Variants in WDFY2 observed in about 807,000 individuals in gnomAD.
WDFY2 encodes WD repeat and FYVE domain-containing protein 2.
WDFY2 carries 36 observed loss-of-function variants against 56.4 expected under a neutral mutation model. The ratio of observed to expected loss-of-function variants is 0.64; its 90% confidence interval spans 0.49 to 0.84. The LOEUF (loss-of-function observed/expected upper bound fraction) is 0.84, where lower values mean the gene tolerates loss of function less well. Ranked by LOEUF, WDFY2 falls within the 40% of genes least tolerant of loss-of-function variation. The pLI is 0.00. For missense variants in WDFY2, 444 were observed against 512.2 expected (o/e 0.87, Z 1.29); for synonymous variants, 176 against 183.7 (o/e 0.96, Z 0.34).
intron 4 of WDFY2, among the ~76,000 whole-genome samples, chr13:51,717,973 G>C (rs980255677): frequency 6.6e-6 from 1 of 152,172 alleles, no homozygotes; most frequent in African/African-American, 2.4e-5. Context: ...GTTGTAAAAT[G>C]ATGAAATCAT....
At chr13:51,744,946 A>G (rs1252843882) in intron 7 of WDFY2, among the ~76,000 whole-genome samples, 1 of 152,198 alleles carries the variant, frequency 6.6e-6, no homozygotes, top group African/African-American at 2.4e-5. Flanking sequence ...TTTATTATCA[A>G]ACTTGGAATC....
At position 51,761,247 on chromosome 13, in the gene WDFY2, A is replaced by G. The variant is rs1953573041; in HGVS notation, c.*1478A>G. On this transcript the variant is annotated 3_prime_UTR_variant, in exon 12 of 12. Transcript: ENST00000298125. ...GGACTTTAGAAAGTGAACCTGAAGA[A>G]CTCTTATTTCTAAGGGAATCCAGTC... The G allele has an allele frequency of 6.6e-6, 1 of 152,124 alleles. No individual in the cohort carries two copies. Among genetic ancestry groups the G allele is most frequent in the Admixed American group, 6.6e-5 (1 of 15,266 alleles). 9.4% of individuals were successfully genotyped at this position (152,124 alleles called of 1,614,324 possible).
At chr13:51,741,368 C>T (rs79626865) in intron 7 of WDFY2, among the ~76,000 whole-genome samples, 2,044 of 152,280 alleles carry the variant, frequency 0.013, 56 homozygotes, top group African/African-American at 0.047. Flanking sequence ...GGTTTTAACC[C>T]CGGGGAGGGG....
intron 1 of WDFY2, among the ~76,000 whole-genome samples, chr13:51,651,252 G>T (rs1004732135): frequency 1.3e-5 from 2 of 152,132 alleles, no homozygotes; most frequent in African/African-American, 2.4e-5. Context: ...TGTGGGATCG[G>T]TGGTGATATC....
At chr13:51,674,634 C>A (rs1955857356) in intron 2 of WDFY2, among the ~76,000 whole-genome samples, 1 of 152,088 alleles carries the variant, frequency 6.6e-6, no homozygotes, top group Non-Finnish European at 1.5e-5. Flanking sequence ...AGCACACCCC[C>A]AAAGGCCAAA....
At chr13:51,751,270 G>C (rs765409045) in intron 7 of WDFY2, 40 bp from the exon 8 acceptor site, 2 of 1,595,748 alleles carry the variant, frequency 1.3e-6, no homozygotes, top group African/African-American at 1.4e-5. Context: ...CCTTGCATTT[G>C]TTCTCCTAAA....
intron 1 of WDFY2, among the ~76,000 whole-genome samples, chr13:51,623,431 A>G (rs748417365): frequency 3.9e-5 from 6 of 152,102 alleles, no homozygotes; most frequent in Non-Finnish European, 8.8e-5. Flanking sequence ...TAAAATGGGC[A>G]TGAGTTTAGC....
intron 1 of WDFY2, among the ~76,000 whole-genome samples, chr13:51,623,157 C>A (rs1187456037): frequency 1.3e-5 from 2 of 151,884 alleles, no homozygotes; most frequent in African/African-American, 4.8e-5. Context: ...CGTGCATGGC[C>A]TTAACTGTAC....
At chr13:51,597,196 C>G (rs1593855274) in intron 1 of WDFY2, among the ~76,000 whole-genome samples, 1 of 152,258 alleles carries the variant, frequency 6.6e-6, no homozygotes, top group East Asian at 1.9e-4. Context: ...GAACTGTATA[C>G]TATATACCAA....
intron 1 of WDFY2, among the ~76,000 whole-genome samples, chr13:51,613,774 C>G (rs542831301): frequency 1.3e-5 from 2 of 152,100 alleles, no homozygotes; most frequent in South Asian, 4.2e-4. Flanking sequence ...AATTTAACAC[C>G]AAGTTAGCAC....
chr13:51,602,982 T>C (rs1446045757), intron 1 of WDFY2, among the ~76,000 whole-genome samples: 1 of 152,156 alleles, frequency 6.6e-6, no homozygotes, highest in Non-Finnish European at 1.5e-5. Context: ...GCTTGGAACA[T>C]GTTTCCAGAT....
intron 1 of WDFY2, among the ~76,000 whole-genome samples, chr13:51,594,994 TG>T (rs1278811900): frequency 2.0e-5 from 3 of 152,228 alleles, no homozygotes; most frequent in Admixed American, 2.0e-4. Flanking sequence ...TTTTTGTTTT[TG>T]TAGAGTTCTG....
At position 51,753,352 on chromosome 13, in the gene WDFY2, C is replaced by G. The variant is rs74086262; in HGVS notation, c.831+1937C>G. On this transcript the variant is annotated intron_variant, in intron 8 of 11. Transcript: ENST00000298125. ...AGACCTTGAGTGGCTGGATGTAGAT[C>G]GAGTGACATTGCATAGGTTGAACAG... Among the ~76,000 whole-genome samples, 474 of 152,276 alleles carry G rather than the reference C, an allele frequency of 3.1e-3. 2 individuals are homozygous for G. Among genetic ancestry groups the G allele is most frequent in the African/African-American group, 0.011 (456 of 41,534 alleles).
In WDFY2 at chr13:51,765,600, C is replaced by A. The variant is rs1231564922; in HGVS notation, c.*5831C>A. 6.6e-6 allele frequency: 1 copy of A among 152,182 alleles called. No individual in the cohort carries two copies. The highest frequency in any genetic ancestry group is 1.5e-5 in the Non-Finnish European group (1 of 68,040). 9.4% of individuals were successfully genotyped at this position (152,182 alleles called of 1,614,324 possible). A position where few individuals can be genotyped will look rare whatever the true frequency, so the allele number is the denominator to read the frequency against. On this transcript the variant is annotated 3_prime_UTR_variant, in exon 12 of 12. Transcript: ENST00000298125. ...TCGTTTATTATTGGACATGCCTAGC[C>A]CATCACCAGTGACCTGCCCGCATAT...
rs56054205 is a variant in WDFY2, at chr13:51,707,939, CTTTTTTT to C, written c.334+4315_334+4321del. Among the ~76,000 whole-genome samples, 83 of 57,554 alleles carry C rather than the reference CTTTTTTT, an allele frequency of 1.4e-3. No individual in the cohort carries two copies. In the East Asian group the frequency reaches 0.027, roughly 19 times the overall value. 37.8% of individuals were successfully genotyped at this position (57,554 alleles called of 152,430 possible). On this transcript the variant is annotated intron_variant, in intron 4 of 11. Transcript: ENST00000298125. The stretch of plus-strand genomic sequence containing the variant: ...ATATATACTATTAACCCTAAAACAA[CTTTTTTT>C]TTTTTTTTTTTTTTTTTTTTTTTTT...
chr13:51,759,352 G>A (rs1297712378), intron 11 of WDFY2, among the ~76,000 whole-genome samples: 1 of 152,038 alleles, frequency 6.6e-6, no homozygotes, highest in South Asian at 2.1e-4. Context: ...TATTTGGAGG[G>A]TGGAACAAAT....
intron 6 of WDFY2, among the ~76,000 whole-genome samples, chr13:51,736,446 T>C (rs1952838136): frequency 6.6e-6 from 1 of 152,152 alleles, no homozygotes; most frequent in Non-Finnish European, 1.5e-5. Flanking sequence ...CATCCCATAG[T>C]CACCAACAAA....
intron 1 of WDFY2, among the ~76,000 whole-genome samples, chr13:51,625,439 C>T (rs559123643): frequency 6.6e-6 from 1 of 152,294 alleles, no homozygotes; most frequent in South Asian, 2.1e-4. Flanking sequence ...AGGAATGTAG[C>T]TATCCTTTAG....
intron 3 of WDFY2, among the ~76,000 whole-genome samples, chr13:51,691,294 T>A (rs1322899610): frequency 2.0e-5 from 3 of 151,906 alleles, no homozygotes; most frequent in Admixed American, 2.0e-4. Flanking sequence ...TGAATGGTAA[T>A]GCCTAGGTTT....
Sources: allele counts gnomAD v4.1 joint callset (sites outside exome capture counted in the v4.1 genomes callset), GRCh38; gene constraint gnomAD v4.1.1; transcripts MANE v1.5; gene names NCBI Gene and HGNC (gene_info 2026-07-23, HGNC 2026-07-21).